The following EXOC4 variants were observed in gnomAD, a reference collection of about 807,000 sequenced individuals.
EXOC4 encodes the protein exocyst complex component 4, also known as SEC8-like 1.
A neutral mutation model predicts 107.2 loss-of-function variants in EXOC4; 71 were observed. That is an observed-to-expected ratio of 0.66 (90% CI 0.55 to 0.81). The LOEUF is 0.81. Among genes scored for constraint, EXOC4 ranks in the 30% least tolerant of loss-of-function variants. The probability of loss-of-function intolerance (pLI) is 0.00; values close to 1 mark genes in which losing one functional copy is unlikely to be tolerated. For synonymous variants in EXOC4, 456 were observed against 441.2 expected, an observed-to-expected ratio of 1.03 and a Z score of -0.42; for missense variants, 1,108 against 1,189.6, an observed-to-expected ratio of 0.93 and a Z score of 1.01.
chr7:133,628,365 G>A (rs989565468), intron 9 of EXOC4, among the ~76,000 whole-genome samples: 2 of 152,138 alleles, frequency 1.3e-5, no homozygotes, highest in African/African-American at 4.8e-5. Context: ...ACAAAGCGGG[G>A]CCTTTATAGC....
chr7:133,411,905 C>T (rs1797363799), intron 7 of EXOC4, among the ~76,000 whole-genome samples: 1 of 152,118 alleles, frequency 6.6e-6, no homozygotes. Context: ...GTTGTTTATA[C>T]TGAAATACTT....
At chr7:133,411,269 CTT>C (rs957818515) in intron 7 of EXOC4, among the ~76,000 whole-genome samples, 3 of 152,128 alleles carry the variant, frequency 2.0e-5, no homozygotes, top group Non-Finnish European at 2.9e-5. Flanking sequence ...AATAGTTAAA[CTT>C]GATGTCTTAC....
intron 14 of EXOC4, among the ~76,000 whole-genome samples, chr7:133,972,090 G>A (rs943605569): frequency 9.2e-5 from 14 of 152,298 alleles, no homozygotes; most frequent in Admixed American, 2.0e-4. Context: ...TCATCCCACA[G>A]CCACTTTCTG....
chr7:133,669,381 G>A (rs1007590010), intron 10 of EXOC4, among the ~76,000 whole-genome samples: 16 of 152,196 alleles, frequency 1.1e-4, no homozygotes, highest in Non-Finnish European at 1.9e-4. Flanking sequence ...GAGGTGGGGA[G>A]GGTAAACAAT....
chr7:133,429,314 T>C (rs1170307014), intron 7 of EXOC4, among the ~76,000 whole-genome samples: 1 of 152,212 alleles, frequency 6.6e-6, no homozygotes, highest in Non-Finnish European at 1.5e-5. Context: ...TTTAAACATT[T>C]CACTAGCAAA....
chr7:133,752,239 G>GT (rs1411457145), intron 10 of EXOC4, among the ~76,000 whole-genome samples: 1 of 152,130 alleles, frequency 6.6e-6, no homozygotes, highest in African/African-American at 2.4e-5. Flanking sequence ...ACTCATTTAT[G>GT]TTTCTCAGCA....
chr7:133,631,725 TATAAC>T (rs572566160), intron 10 of EXOC4, among the ~76,000 whole-genome samples: 7 of 152,184 alleles, frequency 4.6e-5, no homozygotes, highest in South Asian at 4.1e-4. Context: ...ATAAGTAAAT[TATAAC>T]ATACAGAATT....
chr7:133,558,376 A>T (rs1800743521), intron 9 of EXOC4, among the ~76,000 whole-genome samples: 2 of 152,096 alleles, frequency 1.3e-5, no homozygotes, highest in South Asian at 2.1e-4. Flanking sequence ...ATAACTTGGA[A>T]TTTAAAGAGT....
At chr7:133,649,432 C>G (rs1803075904) in intron 10 of EXOC4, among the ~76,000 whole-genome samples, 1 of 151,388 alleles carries the variant, frequency 6.6e-6, no homozygotes, top group Non-Finnish European at 1.5e-5. Context: ...CATATTCTGC[C>G]AGACCCTACT....
At chr7:134,094,936 A>G in the EXOC4 span, among the ~76,000 whole-genome samples, 1,065 of 152,228 alleles carry the variant, frequency 7.0e-3, 10 homozygotes, top group African/African-American at 0.022. Flanking sequence ...CCTATTCAAC[A>G]TAGTACTAGA....
chr7:133,824,343 A>G (rs1797647619), intron 11 of EXOC4, among the ~76,000 whole-genome samples: 2 of 151,512 alleles, frequency 1.3e-5, no homozygotes, highest in Non-Finnish European at 1.5e-5. Context: ...CTCTGCCCAC[A>G]TTTTCAACCT....
intron 10 of EXOC4, among the ~76,000 whole-genome samples, chr7:133,773,491 A>T (rs948944278): frequency 1.3e-4 from 19 of 150,144 alleles, no homozygotes; most frequent in Admixed American, 2.7e-4. Flanking sequence ...TATTATTATT[A>T]TTTTTCTTTT....
At chr7:133,256,314 C>A (rs1385704234) in intron 1 of EXOC4, among the ~76,000 whole-genome samples, 1 of 152,160 alleles carries the variant, frequency 6.6e-6, no homozygotes, top group East Asian at 1.9e-4. Flanking sequence ...TCATATAAAA[C>A]TTTGATTATC....
intron 9 of EXOC4, among the ~76,000 whole-genome samples, chr7:133,547,865 C>T (rs985511051): frequency 6.6e-6 from 1 of 152,114 alleles, no homozygotes; most frequent in Admixed American, 6.5e-5. Context: ...AACCAACTTC[C>T]AAACTCCTGT....
intron 9 of EXOC4, among the ~76,000 whole-genome samples, chr7:133,619,501 G>T (rs10239061): frequency 0.16 from 24,124 of 152,094 alleles, 2,261 homozygotes; most frequent in African/African-American, 0.25. Flanking sequence ...TCAGTTTGAG[G>T]TTTATTCACA....
At chr7:133,306,103 G>T in intron 4 of EXOC4, 42 bp downstream of exon 4, 2 of 1,461,180 alleles carry the variant, frequency 1.4e-6, no homozygotes, top group South Asian at 1.4e-5. Flanking sequence ...TGGCAGTGTA[G>T]GATTGGAAGG....
At chr7:133,400,258 C>G (rs928715404) in intron 7 of EXOC4, among the ~76,000 whole-genome samples, 3 of 152,186 alleles carry the variant, frequency 2.0e-5, no homozygotes, top group Non-Finnish European at 4.4e-5. Flanking sequence ...GAAACTTCAT[C>G]TTTTCTTGGT....
At chr7:134,051,952 C>T (rs1305197210) in intron 17 of EXOC4, among the ~76,000 whole-genome samples, 4 of 151,970 alleles carry the variant, frequency 2.6e-5, no homozygotes, top group Non-Finnish European at 4.4e-5. Context: ...CGCCACTGCA[C>T]TCCAGCCTGG....
At chr7:133,383,784 C>A (rs1796668038) in intron 7 of EXOC4, among the ~76,000 whole-genome samples, 1 of 152,204 alleles carries the variant, frequency 6.6e-6, no homozygotes, top group Middle Eastern at 3.4e-3. Flanking sequence ...TGAGAGTATT[C>A]TCGCAGAAAT....
Sources: gnomAD v4.1 joint callset for allele counts (sites outside exome capture counted in the v4.1 genomes callset) on GRCh38, gnomAD v4.1.1 for gene constraint, MANE v1.5 for transcripts, NCBI Gene and HGNC (gene_info 2026-07-23, HGNC 2026-07-21) for gene names.